The following CBX3 variants were observed in gnomAD, a reference collection of about 807,000 sequenced individuals.
CBX3 encodes chromobox protein homolog 3.
CBX3 carries 5 observed loss-of-function variants against 22.6 expected under a neutral mutation model. The ratio of observed to expected loss-of-function variants is 0.22; its 90% CI spans 0.12 to 0.47. CBX3 has a LOEUF of 0.47. Among genes scored for constraint, CBX3 ranks in the 20% least tolerant of loss-of-function variants. CBX3 has a pLI of 0.99. For synonymous variants in CBX3, 50 were observed against 66.6 expected (o/e 0.75, Z 1.21); for missense variants, 83 against 208.1 (o/e 0.40, Z 3.70).
At chr7:26,207,780 AGT>A (rs1784712493) in intron 3 of CBX3, among the ~76,000 whole-genome samples, 2 of 152,054 alleles carry the variant, frequency 1.3e-5, no homozygotes, top group African/African-American at 4.8e-5. Flanking sequence ...GGCCTCCCAA[AGT>A]GCTGGGATTA....
Position 26,213,106 on chromosome 7 carries a change from T to A in CBX3, c.*898T>A, listed in dbSNP as rs1784847602. On this transcript the variant is annotated 3_prime_UTR_variant, in exon 6 of 6. Transcript: ENST00000396386. ...AAACCTAATCAGATGGTTAGAGGTG[T>A]TGGCAGTTTAGGACCTGCTGTCATA... is the stretch of plus-strand genomic sequence containing the variant. 6.6e-6 allele frequency: 1 copy of A among 152,496 alleles called. No homozygotes were observed. Among genetic ancestry groups the A allele is most frequent in the African/African-American group, 2.4e-5 (1 of 41,478 alleles). The allele number at this position is 152,496 out of a possible 1,614,324, so 9.4% of individuals were successfully genotyped here.
At chr7:26,204,066 C>T (rs1784616711) in intron 2 of CBX3, among the ~76,000 whole-genome samples, 2 of 152,140 alleles carry the variant, frequency 1.3e-5, no homozygotes, top group South Asian at 4.1e-4. Flanking sequence ...GATATGTGTG[C>T]TGTTAATTTC....
rs1784574111 is a variant in CBX3 at position 26,202,731 on chromosome 7, C to T, written c.-28-240C>T. On this transcript the variant is annotated intron_variant, in intron 1 of 5. Coordinates refer to ENST00000396386, the MANE Select transcript of CBX3 (RefSeq NM_016587.4). ...AAAGACATTGGTCCCCTATTTTAAG[C>T]CATGTGAAGCTGTTTTAGGTACCAG... The T allele has an allele frequency of 3.8e-5, 18 of 479,050 alleles. No individual in the cohort carries two copies. In the South Asian group the frequency reaches 5.1e-4, roughly 13 times the overall value. The allele number at this position is 479,050 out of a possible 1,614,324, so 29.7% of individuals were successfully genotyped here. A position where few individuals can be genotyped will look rare whatever the true frequency, so the allele number is the denominator to read the frequency against.
rs1248024901 is a variant in CBX3, at chr7:26,206,351, C to G, written c.25-17C>G. On this transcript the variant is annotated splice_polypyrimidine_tract_variant and intron_variant, in intron 2 of 5. Coordinates refer to ENST00000396386, the MANE Select transcript of CBX3 (RefSeq NM_016587.4). ...TCAAGAGGAATATTTCTTAATTTCT[C>G]TTTTGTTTTATTTTAGCAAAAAATG... 6.5e-7 allele frequency: 1 copy of G among 1,542,512 alleles called. No homozygotes were observed. The highest frequency in any genetic ancestry group is 8.9e-7 in the Non-Finnish European group (1 of 1,129,234).
chr7:26,204,977 C>T (rs1309827716), intron 2 of CBX3, among the ~76,000 whole-genome samples: 2 of 151,956 alleles, frequency 1.3e-5, no homozygotes, highest in Admixed American at 6.6e-5. Flanking sequence ...TTAGTAGAAA[C>T]GGGGTTTCTC....
At chr7:26,207,745 T>G (rs1207719318) in intron 3 of CBX3, among the ~76,000 whole-genome samples, 1 of 152,046 alleles carries the variant, frequency 6.6e-6, no homozygotes, top group Non-Finnish European at 1.5e-5. Flanking sequence ...CCCAAACTCC[T>G]GACCTCAAGT....
intron 4 of CBX3, among the ~76,000 whole-genome samples, chr7:26,208,918 T>G (rs1393998409): frequency 1.2e-4 from 3 of 25,670 alleles, no homozygotes; most frequent in South Asian, 1.6e-3. Context: ...ACGCCTGGCC[T>G]TTTTTTTTTT....
chr7:26,204,865 C>T (rs1453109792), intron 2 of CBX3, among the ~76,000 whole-genome samples: 4 of 152,168 alleles, frequency 2.6e-5, no homozygotes, highest in African/African-American at 9.7e-5. Flanking sequence ...TCTTGGCTCA[C>T]CGCAACTTAA....
In CBX3 at chr7:26,212,802, A is replaced by T. The variant is rs1329563767; in HGVS notation, c.*594A>T. On this transcript the variant is annotated 3_prime_UTR_variant, in exon 6 of 6. Transcript: ENST00000396386. The stretch of plus-strand genomic sequence containing the variant: ...TGAAATAAGTAATTCTAGATAGGAC[A>T]ATTTAAATTGGATAATTTTAAAGTG... 5 of 152,286 alleles carry T rather than the reference A, an allele frequency of 3.3e-5. No individual in the cohort carries two copies. Among genetic ancestry groups the T allele is most frequent in the Non-Finnish European group, 7.3e-5 (5 of 68,052 alleles). The allele number at this position is 152,286 out of a possible 1,614,324, so 9.4% of individuals were successfully genotyped here.
intron 2 of CBX3, among the ~76,000 whole-genome samples, chr7:26,204,279 T>G (rs970186560): frequency 6.6e-6 from 1 of 152,170 alleles, no homozygotes; most frequent in Non-Finnish European, 1.5e-5. Flanking sequence ...TTTTCTGTAT[T>G]TATTGTTGAC....
At chr7:26,202,335 G>C (rs1387159024) in intron 1 of CBX3, 1 of 152,298 alleles carries the variant, frequency 6.6e-6, no homozygotes, top group East Asian at 1.9e-4. Flanking sequence ...CGCGGCCTTT[G>C]TTTCTCCCCG....
intron 2 of CBX3, among the ~76,000 whole-genome samples, 176 bp downstream of exon 2, chr7:26,203,198 C>T (rs1784591654): frequency 6.6e-6 from 1 of 152,260 alleles, no homozygotes; most frequent in South Asian, 2.1e-4. Flanking sequence ...GAGATACTGG[C>T]TTGGCTTAAT....
Position 26,212,909 on chromosome 7 carries a change from G to C in CBX3, c.*701G>C, listed in dbSNP as rs1468030764. 1 of 151,076 alleles carries C rather than the reference G, an allele frequency of 6.6e-6. No individual in the cohort carries two copies. The highest frequency in any genetic ancestry group is 1.9e-4 in the East Asian group (1 of 5,208). The allele number at this position is 151,076 out of a possible 1,614,324, so 9.4% of individuals were successfully genotyped here. A position where few individuals can be genotyped will look rare whatever the true frequency, so the allele number is the denominator to read the frequency against. Reference sequence around the variant, plus strand: ...CCATCACAGCAGGTTTCCTCATCCAGATGAGGAAACTAGACAAATGCTAGT... The same window carrying C: ...CCATCACAGCAGGTTTCCTCATCCACATGAGGAAACTAGACAAATGCTAGT... On this transcript the variant is annotated 3_prime_UTR_variant, in exon 6 of 6. Coordinates refer to ENST00000396386, the MANE Select transcript of CBX3 (RefSeq NM_016587.4).
At chr7:26,210,747 A>G (rs1784786492) in intron 4 of CBX3, among the ~76,000 whole-genome samples, 1 of 152,258 alleles carries the variant, frequency 6.6e-6, no homozygotes, top group South Asian at 2.1e-4. Flanking sequence ...TGAGAAGAGT[A>G]GCATTTTACA....
At chr7:26,206,868 T>C (rs956331780) in intron 3 of CBX3, among the ~76,000 whole-genome samples, 4 of 152,236 alleles carry the variant, frequency 2.6e-5, no homozygotes, top group Non-Finnish European at 5.9e-5. Context: ...CTTTACAATA[T>C]AGACTAGTGG....
At chr7:26,205,812 G>T (rs1405180160) in intron 2 of CBX3, among the ~76,000 whole-genome samples, 1 of 152,196 alleles carries the variant, frequency 6.6e-6, no homozygotes, top group Non-Finnish European at 1.5e-5. Context: ...AGGGCCGGGC[G>T]CAGTGGCTCA....
At chr7:26,211,641 G>A in intron 4 of CBX3, 21 bp from the exon 5 acceptor site, 2 of 1,529,418 alleles carry the variant, frequency 1.3e-6, no homozygotes. Context: ...TTTGCTGTAT[G>A]AAAAAATGTC....
chr7:26,202,657 C>T (rs1784564517), intron 1 of CBX3: 3 of 304,550 alleles, frequency 9.9e-6, no homozygotes, highest in Non-Finnish European at 6.1e-6. Context: ...AAAGGATTGT[C>T]CTTTAAAAAT....
rs539345515 is a variant in CBX3, at chr7:26,211,913, CTG to C, written c.425+160_425+161del. Among the ~76,000 whole-genome samples the C allele has an allele frequency of 3.1e-4, 47 of 152,016 alleles. 1 individual carries two copies. Among genetic ancestry groups the C allele is most frequent in the African/African-American group, 8.7e-4 (36 of 41,474 alleles). On this transcript the variant is annotated intron_variant, in intron 5 of 5. Coordinates refer to ENST00000396386, the MANE Select transcript of CBX3 (RefSeq NM_016587.4). Reference sequence around the variant, plus strand: ...GTGTTTTAAAGCAAGGGTCAGCAAACTGTGGCCTGTTTTGAAAATGAAGTTTA... The same window carrying C: ...GTGTTTTAAAGCAAGGGTCAGCAAACTGGCCTGTTTTGAAAATGAAGTTTA...
Sources: allele counts gnomAD v4.1 joint callset (sites outside exome capture counted in the v4.1 genomes callset), GRCh38; gene constraint gnomAD v4.1.1; transcripts MANE v1.5; gene names NCBI Gene and HGNC (gene_info 2026-07-23, HGNC 2026-07-21).